DERA: variants seen among roughly 807,000 people sequenced by gnomAD.
The protein encoded by DERA is 2-deoxy-D-ribose 5-phosphate aldolase.
A neutral mutation model predicts 41.1 loss-of-function variants in DERA; 15 were observed. The ratio of observed to expected loss-of-function variants is 0.37; its 90% CI spans 0.24 to 0.56. The LOEUF is 0.56. Ranked by LOEUF, DERA falls within the 20% of genes least tolerant of loss-of-function variation. The pLI is 0.81. For synonymous variants in DERA, 139 were observed against 137.4 expected (o/e 1.01, Z -0.08); for missense variants, 396 against 403.4 (o/e 0.98, Z 0.16).
chr12:15,927,788 A>T (rs1324214201), intron 1 of DERA, among the ~76,000 whole-genome samples: 2 of 152,154 alleles, frequency 1.3e-5, no homozygotes, highest in Non-Finnish European at 2.9e-5. Context: ...TCCATATACA[A>T]CTAGCTGCTA....
At chr12:15,926,524 G>C (rs1357199031) in intron 1 of DERA, among the ~76,000 whole-genome samples, 9 of 151,934 alleles carry the variant, frequency 5.9e-5, no homozygotes, top group Admixed American at 1.3e-4. Context: ...ATCACGAGAT[G>C]AGGAGATCGA....
intron 3 of DERA, among the ~76,000 whole-genome samples, chr12:15,958,552 CA>C (rs1352131595): frequency 7.2e-6 from 1 of 138,094 alleles, no homozygotes; most frequent in Non-Finnish European, 1.5e-5. Flanking sequence ...TTCTTTCCAT[CA>C]ATGGATTAAA....
rs922180379 is a variant in DERA at position 15,918,982 on chromosome 12, GA to G, written c.31+7576del. On this transcript the variant is annotated intron_variant, in intron 1 of 8. Coordinates refer to ENST00000428559, the MANE Select transcript of DERA (RefSeq NM_015954.4). This position sits in a 1 kb window ranked among gnomAD's most constrained non-coding sequence, Gnocchi z 4.3. ...TAAGAGTAATGTTTTCATGAAGAAA[GA>G]AAAAAAATCCTTCATAGCCTATGTG... 1.1e-3 allele frequency among the ~76,000 whole-genome samples: 168 copies of G among 151,750 alleles called. 1 individual carries two copies. Among genetic ancestry groups the G allele is most frequent in the Non-Finnish European group, 5.7e-4 (39 of 67,856 alleles).
At position 15,918,752 on chromosome 12, in the gene DERA, G is replaced by T. The variant is rs982044380; in HGVS notation, c.31+7338G>T. ...TTATGTAAATCACCACATACGGCAT[G>T]TTAAAACTGACAACAGGAACGTGGT... On this transcript the variant is annotated intron_variant, in intron 1 of 8. Transcript: ENST00000428559. This position sits in a 1 kb window ranked among gnomAD's most constrained non-coding sequence, Gnocchi z 4.3. Among the ~76,000 whole-genome samples the T allele has an allele frequency of 6.6e-6, 1 of 152,146 alleles. No homozygotes were observed. Among genetic ancestry groups the T allele is most frequent in the Non-Finnish European group, 1.5e-5 (1 of 68,026 alleles).
rs560039702 is a variant in DERA at position 15,995,363 on chromosome 12, C to A, written c.637+12927C>A. Among the ~76,000 whole-genome samples the A allele has an allele frequency of 2.0e-5, 3 of 152,236 alleles. No homozygotes were observed. The South Asian group carries it at 6.2e-4, about 32-fold the overall frequency. Reference sequence around the variant, plus strand: ...GCCTATGATTGGCCCACAGTAACTCCTTGTTGAAAAGAAAAGGTAGGGTGC... The same window carrying A: ...GCCTATGATTGGCCCACAGTAACTCATTGTTGAAAAGAAAAGGTAGGGTGC... On this transcript the variant is annotated intron_variant, in intron 6 of 8. Coordinates refer to ENST00000428559, the MANE Select transcript of DERA (RefSeq NM_015954.4). The surrounding 1 kb of genome is among the most constrained non-coding windows in gnomAD (Gnocchi z 5.1).
At position 16,011,209 on chromosome 12, in the gene DERA, G is replaced by T. The variant is rs796446439; in HGVS notation, c.638-21333G>T. ...GAAAGCACAATCAAAAGGAAATTCA[G>T]TTGTTTAAAGCATATCTGGCTTATT... On this transcript the variant is annotated intron_variant, in intron 6 of 8. Coordinates refer to ENST00000428559, the MANE Select transcript of DERA (RefSeq NM_015954.4). The surrounding 1 kb of genome is among the most constrained non-coding windows in gnomAD (Gnocchi z 4.7). Among the ~76,000 whole-genome samples, 1 of 152,118 alleles carries T rather than the reference G, an allele frequency of 6.6e-6. No homozygotes were observed.
In DERA at chr12:15,935,863, A is replaced by T. The variant is rs1948360928; in HGVS notation, c.32-21073A>T. Among the ~76,000 whole-genome samples, 2 of 152,194 alleles carry T rather than the reference A, an allele frequency of 1.3e-5. No individual in the cohort carries two copies. The highest frequency in any genetic ancestry group is 1.3e-4 in the Admixed American group (2 of 15,276). ...GGGTGGTTCTGGCTTGGGGTCTCTC[A>T]TGAGGTTGCAATCAAGTTATTGGCC... On this transcript the variant is annotated intron_variant, in intron 1 of 8. Coordinates refer to ENST00000428559, the MANE Select transcript of DERA (RefSeq NM_015954.4). This position sits in a 1 kb window ranked among gnomAD's most constrained non-coding sequence, Gnocchi z 4.8.
chr12:15,964,400 A>G (rs1948609355), intron 5 of DERA, among the ~76,000 whole-genome samples: 1 of 152,128 alleles, frequency 6.6e-6, no homozygotes, highest in Non-Finnish European at 1.5e-5. Flanking sequence ...ACTCATCAAC[A>G]TTTATAATTC....
chr12:15,939,288 A>G (rs1948392894), intron 1 of DERA, among the ~76,000 whole-genome samples: 1 of 152,188 alleles, frequency 6.6e-6, no homozygotes, highest in South Asian at 2.1e-4. Context: ...GCCACACAAG[A>G]GATCTAAAGT....
In DERA at chr12:15,981,445, G is replaced by A. The variant is rs1948732432; in HGVS notation, c.509-863G>A. Among the ~76,000 whole-genome samples, 2 of 152,196 alleles carry A rather than the reference G, an allele frequency of 1.3e-5. No homozygotes were observed. Among genetic ancestry groups the A allele is most frequent in the South Asian group, 4.1e-4 (2 of 4,838 alleles). ...CCTTGGTCTTGTTACCATGGCAGTA[G>A]CCTGAGTTCAAGAAATGATAGTGGC... is the stretch of plus-strand genomic sequence containing the variant. On this transcript the variant is annotated intron_variant, in intron 5 of 8. Transcript: ENST00000428559. This position sits in a 1 kb window ranked among gnomAD's most constrained non-coding sequence, Gnocchi z 6.1.
chr12:15,949,460 CA>C (rs768119141), intron 1 of DERA, among the ~76,000 whole-genome samples: 33,501 of 151,880 alleles, frequency 0.22, 3,949 homozygotes, highest in Admixed American at 0.33. Context: ...GCTGTGCTAG[CA>C]ATGAGCAAGG....
At chr12:15,956,546 T>G in intron 1 of DERA, 1 of 354,440 alleles carries the variant, frequency 2.8e-6, no homozygotes, top group South Asian at 2.2e-5. Context: ...GTTAATCATT[T>G]GCTCTCCTGG....
In DERA at chr12:16,024,067, A is replaced by C. The variant is rs371289853; in HGVS notation, c.638-8475A>C. On this transcript the variant is annotated intron_variant, in intron 6 of 8. Transcript: ENST00000428559. ...TGAGGAAAAAAATCAGTGACCTTAAAGATAGGTCAATAGAAACTTCTTAAA... is the reference window on the plus strand; with the variant it reads ...TGAGGAAAAAAATCAGTGACCTTAACGATAGGTCAATAGAAACTTCTTAAA... Among the ~76,000 whole-genome samples the C allele has an allele frequency of 1.6e-4, 25 of 152,348 alleles. No homozygotes were observed. In the South Asian group the frequency reaches 5.2e-3, roughly 32 times the overall value.
chr12:15,928,003 A>G lies in DERA; in HGVS notation c.31+16589A>G, dbSNP rs1341895792. On this transcript the variant is annotated intron_variant, in intron 1 of 8. Coordinates refer to ENST00000428559, the MANE Select transcript of DERA (RefSeq NM_015954.4). This position sits in a 1 kb window ranked among gnomAD's most constrained non-coding sequence, Gnocchi z 4.6. ...AACTGTTCTTGGCTCAAAAATAGTTAAAACTTTTTAAATTGGAAAATAATA... is the reference window on the plus strand; with the variant it reads ...AACTGTTCTTGGCTCAAAAATAGTTGAAACTTTTTAAATTGGAAAATAATA... 6.7e-6 allele frequency among the ~76,000 whole-genome samples: 1 copy of G among 149,970 alleles called. No homozygotes were observed. Among genetic ancestry groups the G allele is most frequent in the East Asian group, 1.9e-4 (1 of 5,174 alleles).
chr12:15,991,957 A>G (rs1007903878), intron 6 of DERA, among the ~76,000 whole-genome samples: 2 of 152,052 alleles, frequency 1.3e-5, no homozygotes, highest in Admixed American at 6.5e-5. Flanking sequence ...CAAACCTCCT[A>G]TTGATTATGC....
chr12:15,922,410 A>C lies in DERA; in HGVS notation c.31+10996A>C, dbSNP rs1051390196. Among the ~76,000 whole-genome samples, 8 of 152,220 alleles carry C rather than the reference A, an allele frequency of 5.3e-5. No homozygotes were observed. The highest frequency in any genetic ancestry group is 1.9e-4 in the African/African-American group (8 of 41,446). ...CATTTCCATAGATCTGTCTCCAGCAAGAAAAAAATCATAATTTCAGTCTGC... is the reference window on the plus strand; with the variant it reads ...CATTTCCATAGATCTGTCTCCAGCACGAAAAAAATCATAATTTCAGTCTGC... On this transcript the variant is annotated intron_variant, in intron 1 of 8. Coordinates refer to ENST00000428559, the MANE Select transcript of DERA (RefSeq NM_015954.4). The surrounding 1 kb of genome is among the most constrained non-coding windows in gnomAD (Gnocchi z 4.9).
At chr12:16,031,508 T>A (rs1394532229) in intron 6 of DERA, among the ~76,000 whole-genome samples, 1 of 152,204 alleles carries the variant, frequency 6.6e-6, no homozygotes, top group Non-Finnish European at 1.5e-5. Context: ...TCTGATTTAG[T>A]TGGTCTGGTG....
chr12:15,952,849 A>G (rs1274566508), intron 1 of DERA, among the ~76,000 whole-genome samples: 1 of 152,256 alleles, frequency 6.6e-6, no homozygotes, highest in Admixed American at 6.5e-5. Flanking sequence ...AGCCACATTC[A>G]GTCACATTTA....
intron 6 of DERA, among the ~76,000 whole-genome samples, chr12:16,025,290 T>C (rs1043475263): frequency 7.9e-5 from 12 of 152,126 alleles, no homozygotes; most frequent in African/African-American, 2.9e-4. Context: ...AAGATCCTAC[T>C]ATATGTTGTC....
Sources: allele counts gnomAD v4.1 joint callset (sites outside exome capture counted in the v4.1 genomes callset), GRCh38; gene constraint gnomAD v4.1.1; non-coding constraint Gnocchi (gnomAD v3.1); transcripts MANE v1.5; gene names NCBI Gene and HGNC (gene_info 2026-07-23, HGNC 2026-07-21).